POU2F1: variants seen among roughly 807,000 people sequenced by gnomAD.
POU2F1 encodes POU domain, class 2, transcription factor 1.
Under a neutral mutation model 84.9 loss-of-function variants are expected in POU2F1, and 16 were observed. That is an observed-to-expected ratio of 0.19 (90% CI 0.13 to 0.29). POU2F1 has a LOEUF of 0.29. POU2F1 is among the 10% of genes least tolerant of loss of function. The pLI, the probability that POU2F1 is intolerant of heterozygous loss-of-function variation, is 1.00. For synonymous variants in POU2F1, 368 were observed against 368.3 expected, an observed-to-expected ratio of 1.00 and a Z score of 0.01; for missense variants, 738 against 942.6, an observed-to-expected ratio of 0.78 and a Z score of 2.84.
In POU2F1 at chr1:167,358,716, C is replaced by CTTTTTTTTTTTTTT. The variant is rs1197814755; in HGVS notation, c.128-6743_128-6730dup. Among the ~76,000 whole-genome samples the CTTTTTTTTTTTTTT allele has an allele frequency of 7.5e-3, 289 of 38,328 alleles. 48 individuals carry two copies. The highest frequency in any genetic ancestry group is 0.019 in the African/African-American group (268 of 13,990). The allele number at this position is 38,328 out of a possible 152,430, so 25.1% of individuals were successfully genotyped here. On this transcript the variant is annotated intron_variant, in intron 2 of 15. Transcript: ENST00000367866. ...TTCTTAATCTTTTTATTATCTGCAG[C>CTTTTTTTTTTTTTT]TTTTTTTTTTTTTTTTTTTTTGAGA...
chr1:167,417,201 C>A lies in POU2F1; in HGVS notation c.*1391C>A, dbSNP rs1277407815. The A allele has an allele frequency of 2.6e-5, 4 of 152,230 alleles. No homozygotes were observed. The highest frequency in any genetic ancestry group is 4.4e-5 in the Non-Finnish European group (3 of 68,052). The allele number at this position is 152,230 out of a possible 1,614,324, so 9.4% of individuals were successfully genotyped here. On this transcript the variant is annotated 3_prime_UTR_variant, in exon 16 of 16. Coordinates refer to ENST00000367866, the MANE Select transcript of POU2F1 (RefSeq NM_002697.4). ...TATAAATTCCTCTAACCCTGAGATTCTTCTTGGTTCTCTGACTAAAGGAGG... is the reference window on the plus strand; with the variant it reads ...TATAAATTCCTCTAACCCTGAGATTATTCTTGGTTCTCTGACTAAAGGAGG...
Position 167,412,051 on chromosome 1 carries a change from T to A in POU2F1, c.1648T>A (p.Ser550Thr). 1 of 1,614,086 alleles carries A rather than the reference T, an allele frequency of 6.2e-7. No homozygotes were observed. Among genetic ancestry groups the A allele is most frequent in the Non-Finnish European group, 8.5e-7 (1 of 1,179,988 alleles). The change falls in exon 14 of 16, where the codon TCC becomes ACC. Residue 550 changes from serine to threonine, a missense_variant. Ser to Thr is a moderately conservative substitution (Grantham distance 58). Transcript: ENST00000367866. ...AGTCACGTCCCCCTCTCTGAGTCCC[T>A]CCCCTTCTGCCTCAGCCTCCACCTC... ...SAVTSPSLSPSPSASASTSEA... is the reference protein window; with the variant it reads ...SAVTSPSLSPTPSASASTSEA...
intron 1 of POU2F1, among the ~76,000 whole-genome samples, chr1:167,315,964 A>G (rs1004883183): frequency 6.6e-6 from 1 of 152,230 alleles, no homozygotes; most frequent in Non-Finnish European, 1.5e-5. Context: ...AAAAAATGCC[A>G]ATCTCAAATG....
chr1:167,399,619 G>C (rs1371257730), intron 12 of POU2F1, among the ~76,000 whole-genome samples: 1 of 151,942 alleles, frequency 6.6e-6, no homozygotes, highest in African/African-American at 2.4e-5. Flanking sequence ...GTGAAATCTC[G>C]TGTTGTTATT....
rs1047693526 is a variant in POU2F1, at chr1:167,419,360, T to G, written c.*3550T>G. ...CCTTAATGTTTATGCAAATTTTATT[T>G]TATATTTCTGAATTTGGTTAGCACA... On this transcript the variant is annotated 3_prime_UTR_variant, in exon 16 of 16. Transcript: ENST00000367866. 6.6e-6 allele frequency: 1 copy of G among 152,198 alleles called. No homozygotes were observed. The highest frequency in any genetic ancestry group is 2.4e-5 in the African/African-American group (1 of 41,442). 9.4% of individuals were successfully genotyped at this position (152,198 alleles called of 1,614,324 possible).
intron 2 of POU2F1, among the ~76,000 whole-genome samples, chr1:167,364,577 C>T (rs1250446575): frequency 7.4e-6 from 1 of 135,020 alleles, no homozygotes; most frequent in African/African-American, 2.7e-5. Context: ...TTCTTTCTTT[C>T]TTTCTTTTTT....
intron 8 of POU2F1, among the ~76,000 whole-genome samples, chr1:167,386,538 G>T (rs1169995239): frequency 6.6e-6 from 1 of 152,164 alleles, no homozygotes; most frequent in Non-Finnish European, 1.5e-5. Flanking sequence ...CAGCAGTTCT[G>T]TCCCTAGAAA....
At chr1:167,414,025 A>C (rs1333921396) in intron 15 of POU2F1, among the ~76,000 whole-genome samples, 1 of 152,110 alleles carries the variant, frequency 6.6e-6, no homozygotes, top group East Asian at 1.9e-4. Context: ...TTTGTGCATA[A>C]ATGAGAATTC....
chr1:167,320,480 C>T (rs1656232009), intron 1 of POU2F1, among the ~76,000 whole-genome samples: 1 of 152,164 alleles, frequency 6.6e-6, no homozygotes, highest in Non-Finnish European at 1.5e-5. Context: ...CCTACAAAGT[C>T]AGCTAAGTGA....
rs371028217 is a variant in POU2F1, at chr1:167,331,600, G to A, written c.62-870G>A. ...GTAGTAGAATAAGAGATATATTTAT[G>A]TATATTCCGTTTCTTACCCTTTCAA... On this transcript the variant is annotated intron_variant, in intron 1 of 15. Transcript: ENST00000367866. 8.5e-5 allele frequency among the ~76,000 whole-genome samples: 13 copies of A among 152,146 alleles called. No individual in the cohort carries two copies. In the East Asian group the frequency reaches 2.5e-3, roughly 29 times the overall value.
chr1:167,407,070 G>C (rs995813944), intron 13 of POU2F1, among the ~76,000 whole-genome samples: 1 of 151,148 alleles, frequency 6.6e-6, no homozygotes, highest in African/African-American at 2.4e-5. Flanking sequence ...TTCGAGACAG[G>C]GTATTGCCCT....
chr1:167,365,385 T>A, intron 2 of POU2F1, 82 bp from the exon 3 acceptor site: 3 of 1,021,882 alleles, frequency 2.9e-6, no homozygotes, highest in Non-Finnish European at 4.2e-6. Flanking sequence ...AATAGGTGCC[T>A]GATGAATGTT....
chr1:167,329,295 A>G, intron 1 of POU2F1: 3 of 1,548,834 alleles, frequency 1.9e-6, no homozygotes, highest in Non-Finnish European at 2.6e-6. Flanking sequence ...GACTGCAGTG[A>G]CTATGTTCTA....
At chr1:167,392,300 C>T (rs1012436074) in intron 9 of POU2F1, among the ~76,000 whole-genome samples, 1 of 148,184 alleles carries the variant, frequency 6.7e-6, no homozygotes, top group Non-Finnish European at 1.5e-5. Flanking sequence ...TGCAGTGAGC[C>T]AAGATCACGC....
chr1:167,299,043 A>G lies in POU2F1; in HGVS notation c.62-33427A>G, dbSNP rs928559427. 7.9e-5 allele frequency among the ~76,000 whole-genome samples: 12 copies of G among 152,034 alleles called. No individual in the cohort carries two copies. The East Asian group carries it at 2.3e-3, about 29-fold the overall frequency. ...CTGGGCATGGTGGCAGGTGCCTGTA[A>G]TCCCAGCTTCTCGGGAAGCTGAGGC... On this transcript the variant is annotated intron_variant, in intron 1 of 15. Coordinates refer to ENST00000367866, the MANE Select transcript of POU2F1 (RefSeq NM_002697.4).
In POU2F1 at chr1:167,247,036, ATATG is replaced by A. The variant is rs1553197567; in HGVS notation, c.61+26080_61+26083del. The stretch of plus-strand genomic sequence containing the variant: ...TTTACAAGTAAATCAGGTTATATAT[ATATG>A]TGTGTGTGTGTGTGTGTGTGTGTGT... On this transcript the variant is annotated intron_variant, in intron 1 of 15. Transcript: ENST00000367866. 7.8e-3 allele frequency among the ~76,000 whole-genome samples: 1,126 copies of A among 143,596 alleles called. 7 individuals are homozygous for A. The highest frequency in any genetic ancestry group is 0.026 in the African/African-American group (994 of 37,978). 94.2% of individuals were successfully genotyped at this position (143,596 alleles called of 152,430 possible).
intron 9 of POU2F1, among the ~76,000 whole-genome samples, chr1:167,395,708 G>A (rs571330090): frequency 3.3e-5 from 5 of 151,932 alleles, no homozygotes; most frequent in African/African-American, 7.2e-5. Context: ...GGGCTCAAGC[G>A]ATCCTTCCAC....
chr1:167,384,401 A>G (rs944689879), intron 8 of POU2F1, among the ~76,000 whole-genome samples: 1 of 152,154 alleles, frequency 6.6e-6, no homozygotes, highest in Non-Finnish European at 1.5e-5. Flanking sequence ...TATAAACACT[A>G]TAATTATATT....
intron 1 of POU2F1, among the ~76,000 whole-genome samples, chr1:167,318,148 G>C (rs1188263858): frequency 6.6e-6 from 1 of 152,188 alleles, no homozygotes; most frequent in Admixed American, 6.5e-5. Flanking sequence ...CAAGTTTGTA[G>C]AGTGTCCTTC....
Sources: allele counts gnomAD v4.1 joint callset (sites outside exome capture counted in the v4.1 genomes callset), GRCh38; gene constraint gnomAD v4.1.1; transcripts MANE v1.5; gene names NCBI Gene and HGNC (gene_info 2026-07-23, HGNC 2026-07-21).